The following MYH10 variants were observed in gnomAD, a reference collection of about 807,000 sequenced individuals.
MYH10 encodes myosin heavy chain 10.
MYH10 carries 55 observed loss-of-function variants against 257.8 expected under a neutral mutation model. The observed-to-expected ratio is 0.21, with a 90% CI of 0.17 to 0.27. MYH10 has a LOEUF of 0.27. MYH10 is among the 10% of genes least tolerant of loss of function. The pLI, the probability that MYH10 is intolerant of heterozygous loss-of-function variation, is 1.00. For synonymous variants in MYH10, 854 were observed against 921.7 expected, an observed-to-expected ratio of 0.93 and a Z score of 1.33; for missense variants, 1,631 against 2,500.6, an observed-to-expected ratio of 0.65 and a Z score of 7.42.
At position 8,552,225 on chromosome 17, in the gene MYH10, T is replaced by A; in HGVS notation, c.821-81A>T. ...GGCCCTCTTTCAGCGTCTGTAAATT[T>A]AAATCATAAAACATCTTCTTTCTCT... is the stretch of plus-strand genomic sequence containing the variant. On this transcript the variant is annotated intron_variant, in intron 8 of 42. Coordinates refer to ENST00000360416, the MANE Select transcript of MYH10 (RefSeq NM_001256012.3). The surrounding 1 kb of genome is among the most constrained non-coding windows in gnomAD (Gnocchi z 4.8). The A allele has an allele frequency of 1.7e-6, 1 of 596,918 alleles. No individual in the cohort carries two copies. The highest frequency in any genetic ancestry group is 2.7e-6 in the Non-Finnish European group (1 of 374,972). The allele number at this position is 596,918 out of a possible 1,614,324, so 37.0% of individuals were successfully genotyped here.
intron 35 of MYH10, among the ~76,000 whole-genome samples, chr17:8,489,745 A>ACACACACACAC (rs1258993754): frequency 6.6e-6 from 1 of 150,700 alleles, no homozygotes; most frequent in African/African-American, 2.5e-5. Context: ...ACACACACAC[A>ACACACACACAC]CCCCAAATCC....
chr17:8,609,004 G>C (rs935256353), intron 2 of MYH10, among the ~76,000 whole-genome samples: 2 of 152,104 alleles, frequency 1.3e-5, no homozygotes, highest in Non-Finnish European at 2.9e-5. Flanking sequence ...GTAGAGACGG[G>C]GTTTCACTGT....
intron 37 of MYH10, among the ~76,000 whole-genome samples, chr17:8,482,088 G>A (rs1185494946): frequency 1.3e-5 from 2 of 152,188 alleles, no homozygotes; most frequent in Non-Finnish European, 2.9e-5. Flanking sequence ...AAACTTCTTT[G>A]GAAGGATGAT....
At chr17:8,476,098 G>T (rs1279964008) in intron 42 of MYH10, 150 bp from the exon 43 acceptor site, 2 of 926,342 alleles carry the variant, frequency 2.2e-6, no homozygotes, top group African/African-American at 3.3e-5. Context: ...GATGGGGAAG[G>T]ACTGCGTGCT....
At chr17:8,577,406 G>A in intron 4 of MYH10, 68 bp from the exon 5 acceptor site, 3 of 829,402 alleles carry the variant, frequency 3.6e-6, no homozygotes, top group East Asian at 2.5e-5. Flanking sequence ...AATTACAACT[G>A]ATAAAATTAA....
intron 7 of MYH10, among the ~76,000 whole-genome samples, chr17:8,556,120 A>G (rs942248994): frequency 2.6e-5 from 4 of 152,264 alleles, no homozygotes; most frequent in Admixed American, 1.3e-4. Flanking sequence ...GTGGCTACAC[A>G]TTTTAAGAAA....
rs1051738095 is a variant in MYH10, at chr17:8,513,007, C to T, written c.2746-350G>A. Among the ~76,000 whole-genome samples the T allele has an allele frequency of 2.0e-5, 3 of 152,106 alleles. No homozygotes were observed. The South Asian group carries it at 6.2e-4, about 32-fold the overall frequency. On this transcript the variant is annotated intron_variant, in intron 23 of 42. Transcript: ENST00000360416. ...ATGCCTGTTTGGTAGTAAGTGATAT[C>T]CTTGGCCTTTATTGTTAATATTTTT...
chr17:8,499,980 G>A (rs947161643), intron 29 of MYH10, among the ~76,000 whole-genome samples: 9 of 152,190 alleles, frequency 5.9e-5, no homozygotes, highest in African/African-American at 2.2e-4. Context: ...AACCAGCTGT[G>A]TGACCCTGGC....
At chr17:8,576,727 GC>G in intron 5 of MYH10, 55 bp from the exon 6 acceptor site, 1 of 1,512,334 alleles carries the variant, frequency 6.6e-7, no homozygotes, top group Admixed American at 2.0e-5. Flanking sequence ...TCTTTGCCTA[GC>G]AGTAAGCCAT....
At chr17:8,510,732 AAAG>A (rs1215263939) in intron 24 of MYH10, among the ~76,000 whole-genome samples, 4 of 152,190 alleles carry the variant, frequency 2.6e-5, no homozygotes, top group Non-Finnish European at 4.4e-5. Flanking sequence ...ATGTTCGGCC[AAAG>A]AAGAGAGAAA....
chr17:8,580,062 G>A (rs1164243586), intron 4 of MYH10, among the ~76,000 whole-genome samples: 1 of 152,088 alleles, frequency 6.6e-6, no homozygotes, highest in Non-Finnish European at 1.5e-5. Context: ...GGGAAATGGA[G>A]GCTGCAGTAA....
At chr17:8,481,285 A>T (rs749997778) in intron 38 of MYH10, 37 bp downstream of exon 38, 3 of 1,599,260 alleles carry the variant, frequency 1.9e-6, no homozygotes, top group Non-Finnish European at 2.6e-6. Context: ...CGCGTGCCTG[A>T]GGGCGAAGAA....
At chr17:8,591,696 T>C (rs2084147728) in intron 3 of MYH10, among the ~76,000 whole-genome samples, 4 of 151,962 alleles carry the variant, frequency 2.6e-5, no homozygotes, top group African/African-American at 9.7e-5. Flanking sequence ...CTGTACATGC[T>C]ATTATCAATG....
chr17:8,607,192 C>A (rs536541415), intron 2 of MYH10, among the ~76,000 whole-genome samples: 1 of 152,236 alleles, frequency 6.6e-6, no homozygotes, highest in South Asian at 2.1e-4. Context: ...AGATCACAGT[C>A]TATAAGGAAG....
chr17:8,550,517 G>A (rs546836030), intron 9 of MYH10, among the ~76,000 whole-genome samples: 158 of 151,402 alleles, frequency 1.0e-3, no homozygotes, highest in African/African-American at 3.4e-3. Context: ...GGAGGGAGGT[G>A]GGGGGGACAG....
chr17:8,563,587 G>A (rs750432529), intron 7 of MYH10, among the ~76,000 whole-genome samples: 35 of 152,286 alleles, frequency 2.3e-4, no homozygotes, highest in Middle Eastern at 3.4e-3. Flanking sequence ...CTGGTTGCCT[G>A]GTGCAGACCA....
intron 30 of MYH10, 64 bp from the exon 31 acceptor site, chr17:8,495,305 A>C: frequency 9.5e-7 from 1 of 1,048,810 alleles, no homozygotes; most frequent in South Asian, 1.3e-5. Context: ...CTAGAAACAC[A>C]GCTTTTAAAC....
chr17:8,546,322 G>A (rs578195403), intron 12 of MYH10, among the ~76,000 whole-genome samples: 3 of 152,074 alleles, frequency 2.0e-5, no homozygotes, highest in South Asian at 2.1e-4. Context: ...GCCTCCCAAA[G>A]TGCTGGGATT....
Position 8,533,391 on chromosome 17 carries a change from A to C in MYH10, c.1894+1996T>G, listed in dbSNP as rs143555666. ...AGCCCTCTCTAAAGCCAAATGGAACACTCCTCCTGAGCTATGATTTTCCAC... is the reference window on the plus strand; with the variant it reads ...AGCCCTCTCTAAAGCCAAATGGAACCCTCCTCCTGAGCTATGATTTTCCAC... On this transcript the variant is annotated intron_variant, in intron 16 of 42. Transcript: ENST00000360416. Among the ~76,000 whole-genome samples, 1,082 of 151,454 alleles carry C rather than the reference A, an allele frequency of 7.1e-3. 18 individuals carry two copies. The highest frequency in any genetic ancestry group is 0.024 in the African/African-American group (978 of 41,238).
Sources: allele counts gnomAD v4.1 joint callset (sites outside exome capture counted in the v4.1 genomes callset), GRCh38; gene constraint gnomAD v4.1.1; non-coding constraint Gnocchi (gnomAD v3.1); transcripts MANE v1.5; gene names NCBI Gene and HGNC (gene_info 2026-07-23, HGNC 2026-07-21).